TRPM8: variants seen among roughly 807,000 people sequenced by gnomAD.
The protein encoded by TRPM8 is transient receptor potential cation channel subfamily M member 8, also known as TRPM8 cationic channel.
TRPM8 carries 110 observed loss-of-function variants against 133.7 expected under a neutral mutation model. The observed-to-expected ratio is 0.82, with a 90% CI of 0.70 to 0.96. The LOEUF (loss-of-function observed/expected upper bound fraction) is 0.96. TRPM8 is among the 40% of genes least tolerant of loss of function. TRPM8 has a pLI of 0.00. For missense variants in TRPM8, 1,291 were observed against 1,379.5 expected (o/e 0.94, Z 1.02); for synonymous variants, 535 against 532.3 (o/e 1.01, Z -0.07).
At chr2:233,954,159 G>C (rs1691236165) in intron 10 of TRPM8, 140 bp downstream of exon 10, 1 of 535,624 alleles carries the variant, frequency 1.9e-6, no homozygotes, top group South Asian at 3.4e-5. Flanking sequence ...TTGGAAGCTA[G>C]AATAACTACG....
Position 233,960,859 on chromosome 2 carries a change from G to A in TRPM8, c.1446G>A (p.Leu482=). The stretch of plus-strand genomic sequence containing the variant: ...TCCGCCTCTTTCTGGAGAATGGCTT[G>A]AACCTACGGAAGTTTCTCACCCATG... The part of the protein sequence containing the change: ...KFVRLFLENG[L]NLRKFLTHDV... The change falls in exon 12 of 26, where the codon TTG becomes TTA. Residue 482 remains leucine, a synonymous_variant. Transcript: ENST00000324695. 2.5e-6 allele frequency: 4 copies of A among 1,614,172 alleles called. No homozygotes were observed. The highest frequency in any genetic ancestry group is 3.4e-6 in the Non-Finnish European group (4 of 1,180,030).
chr2:233,925,280 G>T (rs1691493146), intron 1 of TRPM8, among the ~76,000 whole-genome samples: 1 of 152,238 alleles, frequency 6.6e-6, no homozygotes, highest in African/African-American at 2.4e-5. Context: ...TGGAAGTCTA[G>T]TGGTGAACAA....
chr2:233,969,893 A>T, intron 16 of TRPM8, 86 bp downstream of exon 16: 1 of 912,556 alleles, frequency 1.1e-6, no homozygotes, highest in Non-Finnish European at 1.8e-6. Flanking sequence ...CATGTAAATG[A>T]TTAAAAAGCC....
intron 21 of TRPM8, among the ~76,000 whole-genome samples, chr2:233,995,016 C>A (rs994831244): frequency 6.6e-6 from 1 of 152,178 alleles, no homozygotes; most frequent in African/African-American, 2.4e-5. Flanking sequence ...TATCTCAAAC[C>A]CATTTTTTGA....
At chr2:234,004,599 C>CT (rs1342840293) in intron 22 of TRPM8, among the ~76,000 whole-genome samples, 1 of 152,174 alleles carries the variant, frequency 6.6e-6, no homozygotes, top group African/African-American at 2.4e-5. Context: ...ACTTTTGGTA[C>CT]TTTTTTTGGT....
In TRPM8 at chr2:233,947,153, A is replaced by G. The variant is rs1691063924; in HGVS notation, c.940A>G (p.Lys314Glu). ...CCAAGGAGGTGGAAAAGAGACTTTG[A>G]AAGTGAGTCCTGATTTAGTTTTCTA... The part of the protein sequence containing the change: ...FAQGGGKETL[K>E]AINTSIKNKI... Residue 314 changes from lysine to glutamate, a missense_variant and splice_region_variant, in exon 8 of 26, where the codon AAA becomes GAA. Around this residue, in one of 2 missense-constraint regions of TRPM8, gnomAD observed 963 missense variants for 968.9 expected, o/e 0.99. Transcript: ENST00000324695. 1 of 1,613,946 alleles carries G rather than the reference A, an allele frequency of 6.2e-7. No individual in the cohort carries two copies. The highest frequency in any genetic ancestry group is 8.5e-7 in the Non-Finnish European group (1 of 1,179,908).
chr2:233,942,833 G>T (rs1423084003), intron 6 of TRPM8, 85 bp downstream of exon 6: 1 of 1,515,994 alleles, frequency 6.6e-7, no homozygotes, highest in African/African-American at 1.4e-5. Context: ...CTGGGGCTCT[G>T]TGATGGAGCC....
rs753929030 is a variant in TRPM8 at position 233,937,464 on chromosome 2, C to T, written c.303C>T (p.Asp101=). The change falls in exon 4 of 26, where the codon GAC becomes GAT. Residue 101 remains aspartate, a synonymous_variant. Coordinates refer to ENST00000324695, the MANE Select transcript of TRPM8 (RefSeq NM_024080.5). ...YKKHTKEFPT[D]AFGDIQFETL... is the part of the protein sequence containing the mutation. ...AACACACCAAGGAATTTCCTACCGA[C>T]GCCTTTGGGGATATTCAGTTTGAGA... is the stretch of plus-strand genomic sequence containing the variant. 6 of 1,614,124 alleles carry T rather than the reference C, an allele frequency of 3.7e-6. No individual in the cohort carries two copies. Among genetic ancestry groups the T allele is most frequent in the South Asian group, 3.3e-5 (3 of 91,056 alleles).
rs145159426 is a variant in TRPM8 at position 234,012,524 on chromosome 2, T to C, written c.3265-2038T>C. ...GTGTGTGTAGTCTTTAGGATTTTCTTCATATAAGATTATGTTATATGCAAA... is the reference window on the plus strand; with the variant it reads ...GTGTGTGTAGTCTTTAGGATTTTCTCCATATAAGATTATGTTATATGCAAA... On this transcript the variant is annotated intron_variant, in intron 24 of 25. Transcript: ENST00000324695. 2.4e-4 allele frequency among the ~76,000 whole-genome samples: 37 copies of C among 152,214 alleles called. No homozygotes were observed. The East Asian group carries it at 6.7e-3, about 28-fold the overall frequency.
rs58670513 is a variant in TRPM8 at position 233,927,854 on chromosome 2, T to TTCTCTC, written c.117+1203_117+1204insCTCTCT. On this transcript the variant is annotated intron_variant, in intron 2 of 25. Coordinates refer to ENST00000324695, the MANE Select transcript of TRPM8 (RefSeq NM_024080.5). ...TTCCTTCCTTCCTTCCTTCCTTCCT[T>TTCTCTC]TCTTTCTCTTTCTTTCTTTCTTTCT... Among the ~76,000 whole-genome samples, 13 of 55,992 alleles carry TTCTCTC rather than the reference T, an allele frequency of 2.3e-4. 1 individual carries two copies. Among genetic ancestry groups the TTCTCTC allele is most frequent in the Non-Finnish European group, 3.0e-4 (9 of 29,888 alleles). 36.7% of individuals were successfully genotyped at this position (55,992 alleles called of 152,430 possible).
Position 233,942,691 on chromosome 2 carries a change from A to G in TRPM8, c.642A>G (p.Ile214Met), listed in dbSNP as rs199520024. 6.2e-7 allele frequency: 1 copy of G among 1,614,216 alleles called. No homozygotes were observed. Among genetic ancestry groups the G allele is most frequent in the East Asian group, 2.2e-5 (1 of 44,872 alleles). ...SSEENIVAIG[I>M]AAWGMVSNRD... Reference sequence around the variant, plus strand: ...AGGAGAATATTGTGGCCATTGGCATAGCAGCTTGGGGCATGGTCTCCAACC... The same window carrying G: ...AGGAGAATATTGTGGCCATTGGCATGGCAGCTTGGGGCATGGTCTCCAACC... Residue 214 changes from isoleucine to methionine, a missense_variant, in exon 6 of 26, where the codon ATA becomes ATG. Transcript: ENST00000324695.
intron 22 of TRPM8, among the ~76,000 whole-genome samples, chr2:233,999,778 C>T (rs1438252866): frequency 6.6e-6 from 1 of 152,228 alleles, no homozygotes; most frequent in Non-Finnish European, 1.5e-5. Flanking sequence ...TCTTTGATGC[C>T]TCGAACAATT....
At chr2:234,002,828 G>A (rs750382886) in intron 22 of TRPM8, among the ~76,000 whole-genome samples, 1 of 152,202 alleles carries the variant, frequency 6.6e-6, no homozygotes, top group African/African-American at 2.4e-5. Context: ...CTGTTCACAG[G>A]TGTTGTGTCT....
intron 5 of TRPM8, among the ~76,000 whole-genome samples, chr2:233,940,803 A>C (rs1010473915): frequency 3.9e-5 from 6 of 152,210 alleles, no homozygotes; most frequent in African/African-American, 1.4e-4. Context: ...AGATGGGAGA[A>C]TGGTTGTCAA....
At chr2:233,966,967 T>A (rs182512093) in intron 15 of TRPM8, among the ~76,000 whole-genome samples, 1 of 152,326 alleles carries the variant, frequency 6.6e-6, no homozygotes, top group East Asian at 1.9e-4. Flanking sequence ...AAGAATATTC[T>A]TTGAGTTTCC....
chr2:233,924,383 C>T (rs1021511075), intron 1 of TRPM8, among the ~76,000 whole-genome samples: 1 of 152,200 alleles, frequency 6.6e-6, no homozygotes, highest in African/African-American at 2.4e-5. Context: ...GACCCCTCCT[C>T]TCACTCTCCA....
intron 21 of TRPM8, among the ~76,000 whole-genome samples, chr2:233,993,768 G>C (rs1692340079): frequency 6.6e-6 from 1 of 152,190 alleles, no homozygotes; most frequent in Non-Finnish European, 1.5e-5. Context: ...TTGCCAGAGA[G>C]AATGCTTTCC....
Position 234,009,278 on chromosome 2 carries a change from A to G in TRPM8, c.3264+1175A>G, listed in dbSNP as rs1692772530. Among the ~76,000 whole-genome samples, 3 of 152,270 alleles carry G rather than the reference A, an allele frequency of 2.0e-5. No individual in the cohort carries two copies. In the South Asian group the frequency reaches 6.2e-4, roughly 32 times the overall value. Reference sequence around the variant, plus strand: ...TCTACGTGGTGTGTTTGTAGAGAAAACAGTCTATTTTAGTTTGTTTTGTTT... The same window carrying G: ...TCTACGTGGTGTGTTTGTAGAGAAAGCAGTCTATTTTAGTTTGTTTTGTTT... On this transcript the variant is annotated intron_variant, in intron 24 of 25. Coordinates refer to ENST00000324695, the MANE Select transcript of TRPM8 (RefSeq NM_024080.5).
intron 24 of TRPM8, among the ~76,000 whole-genome samples, chr2:234,010,530 T>C (rs1692810058): frequency 6.6e-6 from 1 of 152,218 alleles, no homozygotes; most frequent in African/African-American, 2.4e-5. Context: ...ATGATAATTG[T>C]ATTTTTGTTT....
Sources: allele counts gnomAD v4.1 joint callset (sites outside exome capture counted in the v4.1 genomes callset), GRCh38; gene constraint gnomAD v4.1.1; regional missense constraint gnomAD v4.1.1; transcripts MANE v1.5; gene names NCBI Gene and HGNC (gene_info 2026-07-23, HGNC 2026-07-21).